The following MYL12B variants were observed in gnomAD, a reference collection of about 807,000 sequenced individuals.
MYL12B encodes myosin light chain 12B, also known as myosin regulatory light chain 12B.
MYL12B carries 3 observed loss-of-function variants against 12.9 expected under a neutral mutation model. The ratio of observed to expected loss-of-function variants is 0.23; its 90% CI spans 0.11 to 0.60. The LOEUF is 0.60. Among genes scored for constraint, MYL12B ranks in the 20% least tolerant of loss-of-function variants. MYL12B has a pLI of 0.89. For synonymous variants in MYL12B, 57 were observed against 71.9 expected, an observed-to-expected ratio of 0.79 and a Z score of 1.05; for missense variants, 120 against 215.4, an observed-to-expected ratio of 0.56 and a Z score of 2.77.
rs562937487 is a variant in MYL12B at position 3,272,137 on chromosome 18, G to A, written c.-15-747G>A. ...CAGGGATAGCTAGAAAGATGAAAGG[G>A]TGGGTTTGATATTTATAAAGATGAG... On this transcript the variant is annotated intron_variant, in intron 1 of 3. Transcript: ENST00000237500. 2.6e-5 allele frequency: 25 copies of A among 963,242 alleles called. No homozygotes were observed. In the South Asian group the frequency reaches 1.1e-3, roughly 41 times the overall value. 59.7% of individuals were successfully genotyped at this position (963,242 alleles called of 1,614,324 possible). A position where few individuals can be genotyped will look rare whatever the true frequency, so the allele number is the denominator to read the frequency against.
At chr18:3,275,476 AG>A (rs1276550683) in intron 2 of MYL12B, among the ~76,000 whole-genome samples, 3 of 152,246 alleles carry the variant, frequency 2.0e-5, no homozygotes, top group African/African-American at 7.2e-5. Flanking sequence ...GGTAACACAA[AG>A]AAATGATAAA....
intron 2 of MYL12B, chr18:3,276,644 T>G (rs1269733094): frequency 3.8e-6 from 3 of 799,454 alleles, no homozygotes; most frequent in Non-Finnish European, 4.5e-6. Context: ...GCATATCAAC[T>G]TATGGGCATC....
chr18:3,276,976 G>A, intron 2 of MYL12B: 1 of 983,730 alleles, frequency 1.0e-6, no homozygotes, highest in Non-Finnish European at 1.2e-6. Context: ...CTGGCTTCAG[G>A]TTTTTGTTTT....
rs189015860 is a variant in MYL12B at position 3,263,931 on chromosome 18, C to T, written c.-16+1694C>T. On this transcript the variant is annotated intron_variant, in intron 1 of 3. Transcript: ENST00000237500. ...AGCTGTGTGGCAAGTTGTTTATTCT[C>T]TTTACCCTGATTTTCGTATCTGAGA... Among the ~76,000 whole-genome samples, 31 of 152,298 alleles carry T rather than the reference C, an allele frequency of 2.0e-4. No individual in the cohort carries two copies. In the East Asian group the frequency reaches 4.6e-3, roughly 23 times the overall value.
intron 1 of MYL12B, among the ~76,000 whole-genome samples, chr18:3,267,452 T>C (rs2081642679): frequency 6.6e-6 from 1 of 152,220 alleles, no homozygotes; most frequent in Non-Finnish European, 1.5e-5. Context: ...TGCATATCAG[T>C]ACTGCAGGTG....
At chr18:3,270,215 A>G (rs1481456815) in intron 1 of MYL12B, among the ~76,000 whole-genome samples, 2 of 152,168 alleles carry the variant, frequency 1.3e-5, no homozygotes, top group Middle Eastern at 3.2e-3. Flanking sequence ...TTCCCTTCAG[A>G]TTGATTATTT....
rs575769241 is a variant in MYL12B at position 3,266,417 on chromosome 18, C to T, written c.-16+4180C>T. On this transcript the variant is annotated intron_variant, in intron 1 of 3. Transcript: ENST00000237500. The stretch of plus-strand genomic sequence containing the variant: ...GCCAAACACCCTCATTTCACAATAT[C>T]TTATTGTCACAATATCTTACTGGTT... Among the ~76,000 whole-genome samples, 762 of 152,282 alleles carry T rather than the reference C, an allele frequency of 5.0e-3. 1 individual carries two copies. Among genetic ancestry groups the T allele is most frequent in the Non-Finnish European group, 8.1e-3 (554 of 68,010 alleles).
At chr18:3,264,285 A>G (rs1164559373) in intron 1 of MYL12B, among the ~76,000 whole-genome samples, 3 of 152,238 alleles carry the variant, frequency 2.0e-5, no homozygotes, top group Non-Finnish European at 4.4e-5. Context: ...ACAACTGTGT[A>G]TACTATACAT....
Position 3,277,302 on chromosome 18 carries a change from A to G in MYL12B, c.234A>G (p.Pro78=), listed in dbSNP as rs941789923. ...AYLDAMMNEA[P]GPINFTMFLT... is the part of the protein sequence containing the mutation. Reference sequence around the variant, plus strand: ...TTGATGCCATGATGAATGAGGCCCCAGGGCCCATCAATTTCACCATGTTCC... The same window carrying G: ...TTGATGCCATGATGAATGAGGCCCCGGGGCCCATCAATTTCACCATGTTCC... The change falls in exon 3 of 4, where the codon CCA becomes CCG. Residue 78 remains proline (P), a synonymous_variant. Coordinates refer to ENST00000237500, the MANE Select transcript of MYL12B (RefSeq NM_033546.4). 3 of 1,613,924 alleles carry G rather than the reference A, an allele frequency of 1.9e-6. No individual in the cohort carries two copies. Among genetic ancestry groups the G allele is most frequent in the South Asian group, 1.1e-5 (1 of 91,066 alleles).
chr18:3,262,524 G>A (rs2081601294), intron 1 of MYL12B: 1 of 152,294 alleles, frequency 6.6e-6, no homozygotes, highest in Non-Finnish European at 1.5e-5. Context: ...AAGTGGCCGG[G>A]TCCCGGCCGT....
chr18:3,275,134 A>G (rs9953062), intron 2 of MYL12B, among the ~76,000 whole-genome samples: 146,094 of 152,274 alleles, frequency 0.96, 70,152 homozygotes, highest in Non-Finnish European at 0.98. Context: ...ATACTGTTCG[A>G]CCATAAAAAA....
Position 3,277,892 on chromosome 18 carries a change from G to A in MYL12B, c.474G>A (p.Glu158=). Residue 158 remains glutamate (E), a synonymous_variant, in exon 4 of 4, where the codon GAG becomes GAA. Transcript: ENST00000237500. The part of the protein sequence containing the change: ...IDKKGNFNYI[E]FTRILKHGAK... ...AAAAGGGGAATTTCAATTACATCGA[G>A]TTCACACGCATCCTGAAACATGGAG... The A allele has an allele frequency of 6.2e-7, 1 of 1,614,030 alleles. No homozygotes were observed. Among genetic ancestry groups the A allele is most frequent in the East Asian group, 2.2e-5 (1 of 44,868 alleles).
intron 1 of MYL12B, among the ~76,000 whole-genome samples, chr18:3,268,861 C>T (rs2081654914): frequency 6.6e-6 from 1 of 152,138 alleles, no homozygotes; most frequent in Non-Finnish European, 1.5e-5. Context: ...TCAGTTTCTT[C>T]ATTTGGCAGG....
Position 3,273,846 on chromosome 18 carries a change from T to TG in MYL12B, c.184+769dup, listed in dbSNP as rs1555636119. ...CTGGCCAAAAAGGCAAAGAAAGAGG[T>TG]GGGGGTTTTTTTTTTCTCTCTTTTA... On this transcript the variant is annotated intron_variant, in intron 2 of 3. Coordinates refer to ENST00000237500, the MANE Select transcript of MYL12B (RefSeq NM_033546.4). Among the ~76,000 whole-genome samples, 86 of 78,530 alleles carry TG rather than the reference T, an allele frequency of 1.1e-3. 1 individual carries two copies. The highest frequency in any genetic ancestry group is 7.5e-3 in the Middle Eastern group (1 of 134). The allele number at this position is 78,530 out of a possible 152,430, so 51.5% of individuals were successfully genotyped here. A position where few individuals can be genotyped will look rare whatever the true frequency, so the allele number is the denominator to read the frequency against.
intron 3 of MYL12B, 57 bp from the exon 4 acceptor site, chr18:3,277,708 A>G: frequency 6.5e-7 from 1 of 1,549,848 alleles, no homozygotes; most frequent in Non-Finnish European, 8.7e-7. Context: ...TTAGGAATGA[A>G]CCATCAAAGT....
intron 1 of MYL12B, among the ~76,000 whole-genome samples, chr18:3,271,588 A>G (rs1398007685): frequency 1.3e-5 from 2 of 152,266 alleles, no homozygotes; most frequent in Admixed American, 1.3e-4. Context: ...AGCAGTTTCA[A>G]GTTTGGATGT....
intron 1 of MYL12B, among the ~76,000 whole-genome samples, 190 bp from the exon 2 acceptor site, chr18:3,272,693 CT>C (rs1451420361): frequency 1.3e-5 from 2 of 152,088 alleles, no homozygotes; most frequent in Non-Finnish European, 2.9e-5. Flanking sequence ...TTCAAAACTG[CT>C]TTTTTTCCAC....
intron 1 of MYL12B, among the ~76,000 whole-genome samples, chr18:3,266,234 C>T (rs1342067062): frequency 3.3e-5 from 5 of 152,112 alleles, no homozygotes; most frequent in East Asian, 3.9e-4. Flanking sequence ...AGATGGCTGA[C>T]GCATAGCCGA....
intron 1 of MYL12B, among the ~76,000 whole-genome samples, chr18:3,264,845 G>T (rs900768035): frequency 6.6e-6 from 1 of 152,214 alleles, no homozygotes; most frequent in African/African-American, 2.4e-5. Flanking sequence ...TTAACTTGGA[G>T]AGAATTTTCT....
Sources: gnomAD v4.1 joint callset for allele counts (sites outside exome capture counted in the v4.1 genomes callset) on GRCh38, gnomAD v4.1.1 for gene constraint, MANE v1.5 for transcripts, NCBI Gene and HGNC (gene_info 2026-07-23, HGNC 2026-07-21) for gene names.